The following RPL13 variants were observed in gnomAD, a reference collection of about 807,000 sequenced individuals.
RPL13 encodes the protein large ribosomal subunit protein eL13.
A neutral mutation model predicts 21.4 loss-of-function variants in RPL13; 1 was observed. The ratio of observed to expected loss-of-function variants is 0.05; its 90% CI spans 0.02 to 0.22. The LOEUF is 0.22. RPL13 is among the 10% of genes least tolerant of loss of function. The probability of loss-of-function intolerance (pLI) is 1.00; values close to 1 mark genes in which losing one functional copy is unlikely to be tolerated. For synonymous variants in RPL13, 143 were observed against 120.5 expected (o/e 1.19, Z -1.23); for missense variants, 289 against 303.0 (o/e 0.95, Z 0.34).
chr16:89,560,931 C>G lies in RPL13; in HGVS notation c.-20-9C>G, dbSNP rs1009129054. The stretch of plus-strand genomic sequence containing the variant: ...TCCGGCCTCTCACTCGCTCCCCTCT[C>G]GTCCGCAGCCGCAGGGCCGTAGGCA... On this transcript the variant is annotated splice_polypyrimidine_tract_variant and intron_variant, in intron 1 of 5. Transcript: ENST00000311528. 6 of 1,580,630 alleles carry G rather than the reference C, an allele frequency of 3.8e-6. No homozygotes were observed. The highest frequency in any genetic ancestry group is 4.3e-6 in the Non-Finnish European group (5 of 1,165,258).
Position 89,562,987 on chromosome 16 carries a change from T to C in RPL13, c.581T>C (p.Ile194Thr). The C allele has an allele frequency of 1.3e-6, 2 of 1,580,502 alleles. No individual in the cohort carries two copies. Among genetic ancestry groups the C allele is most frequent in the Non-Finnish European group, 1.7e-6 (2 of 1,163,844 alleles). ...MARANARLFG[I>T]RAKRAKEAAE... is the part of the protein sequence containing the mutation. The stretch of plus-strand genomic sequence containing the variant: ...CGTGCCAACGCCCGGCTCTTCGGCA[T>C]ACGGGCAAAAAGAGCCAAGGAAGCC... The change falls in exon 6 of 6, where the codon ATA (isoleucine) becomes ACA (threonine). Residue 194 changes from isoleucine to threonine, a missense_variant. Ile to Thr is a moderately conservative substitution (Grantham distance 89). Coordinates refer to ENST00000311528, the MANE Select transcript of RPL13 (RefSeq NM_000977.4).
intron 4 of RPL13, 34 bp from the exon 5 acceptor site, chr16:89,562,301 C>G: frequency 1.2e-6 from 2 of 1,609,390 alleles, no homozygotes; most frequent in Non-Finnish European, 1.7e-6. Flanking sequence ...AGCAGTGCGG[C>G]CAACCCCACT....
At chr16:89,561,477 C>G in intron 3 of RPL13, 101 bp from the exon 4 acceptor site, 1 of 1,612,016 alleles carries the variant, frequency 6.2e-7, no homozygotes, top group Non-Finnish European at 8.5e-7. Flanking sequence ...GATGAAAGCA[C>G]ATTTGAACCC....
chr16:89,561,106 G>A, intron 2 of RPL13, 43 bp downstream of exon 2: 4 of 1,564,810 alleles, frequency 2.6e-6, no homozygotes, highest in Non-Finnish European at 3.5e-6. Flanking sequence ...TCGTGCCCGC[G>A]GCTGCGCCTT....
In RPL13 at chr16:89,563,321, A is replaced by G. The variant is rs2058759870; in HGVS notation, c.*279A>G. The G allele has an allele frequency of 8.2e-6, 2 of 243,416 alleles. No homozygotes were observed. The highest frequency in any genetic ancestry group is 1.6e-5 in the Non-Finnish European group (2 of 127,796). 15.1% of individuals were successfully genotyped at this position (243,416 alleles called of 1,614,324 possible). On this transcript the variant is annotated 3_prime_UTR_variant, in exon 6 of 6. Coordinates refer to ENST00000311528, the MANE Select transcript of RPL13 (RefSeq NM_000977.4). ...GAGTGGACTTGTGTTTTTTCTTTTTAAAGAGGCAAGGTTGGGCTGGTGCTC... is the reference window on the plus strand; with the variant it reads ...GAGTGGACTTGTGTTTTTTCTTTTTGAAGAGGCAAGGTTGGGCTGGTGCTC...
At chr16:89,564,844 C>G (rs1282405751), downstream of RPL13, 1 of 152,992 alleles carries the variant, frequency 6.5e-6, no homozygotes, top group Non-Finnish European at 1.5e-5. Context: ...GGGGAAGGGC[C>G]TTTCCTGCTG....
At chr16:89,560,660 G>C (rs2058735315), upstream of RPL13, 1 of 316,754 alleles carries the variant, frequency 3.2e-6, no homozygotes, top group Non-Finnish European at 5.8e-6. Context: ...TATCATCCCA[G>C]AGTGCATTGC....
At chr16:89,561,931 C>T (rs1012434791) in intron 4 of RPL13, 180 bp downstream of exon 4, 7 of 709,892 alleles carry the variant, frequency 9.9e-6, no homozygotes, top group African/African-American at 9.0e-5. Context: ...CCTTAATGGA[C>T]ATGGCAAGGC....
Position 89,562,408 on chromosome 16 carries a change from T to A in RPL13, c.477+17T>A, listed in dbSNP as rs2058752025. 1 of 1,608,738 alleles carries A rather than the reference T, an allele frequency of 6.2e-7. No homozygotes were observed. The highest frequency in any genetic ancestry group is 1.7e-5 in the Admixed American group (1 of 58,358). On this transcript the variant is annotated intron_variant, in intron 5 of 5. Coordinates refer to ENST00000311528, the MANE Select transcript of RPL13 (RefSeq NM_000977.4). Reference sequence around the variant, plus strand: ...GTCCGGAACGTAAGTGAACACTTACTCAAATCCAGGCTTCAGACGAGATCA... The same window carrying A: ...GTCCGGAACGTAAGTGAACACTTACACAAATCCAGGCTTCAGACGAGATCA...
At chr16:89,566,189 C>A (rs2058788366), downstream of RPL13, 1 of 112,110 alleles carries the variant, frequency 8.9e-6, no homozygotes, top group Non-Finnish European at 2.1e-5. Flanking sequence ...GCCAGGCGCG[C>A]TCCGGCGCCT....
intron 2 of RPL13, 66 bp from the exon 3 acceptor site, chr16:89,561,161 C>T: frequency 1.3e-6 from 2 of 1,514,922 alleles, no homozygotes; most frequent in Non-Finnish European, 1.8e-6. Context: ...CTGTCTGCAA[C>T]CGTCGCGGAG....
rs754380880 is a variant in RPL13, at chr16:89,560,947, G to A, written c.-13G>A. 38 of 1,599,172 alleles carry A rather than the reference G, an allele frequency of 2.4e-5. No homozygotes were observed. The African/African-American group carries it at 4.4e-4, about 18-fold the overall frequency. On this transcript the variant is annotated 5_prime_UTR_variant, in exon 2 of 6. Coordinates refer to ENST00000311528, the MANE Select transcript of RPL13 (RefSeq NM_000977.4). ...CTCCCCTCTCGTCCGCAGCCGCAGG[G>A]CCGTAGGCAGCCATGGCGCCCAGCC...
rs2058746416 is a variant in RPL13 at position 89,561,723 on chromosome 16, C to T, written c.392C>T (p.Pro131Leu). The T allele has an allele frequency of 1.2e-6, 2 of 1,613,802 alleles. No homozygotes were observed. Among genetic ancestry groups the T allele is most frequent in the Non-Finnish European group, 1.7e-6 (2 of 1,179,996 alleles). Reference sequence around the variant, plus strand: ...AAACTCATCCTCTTCCCCAGGAAGCCCTCGGCCCCCAAGAAGGGAGACAGT... The same window carrying T: ...AAACTCATCCTCTTCCCCAGGAAGCTCTCGGCCCCCAAGAAGGGAGACAGT... ...RSKLILFPRK[P>L]SAPKKGDSSA... The change falls in exon 4 of 6, where the codon CCC becomes CTC. Residue 131 changes from proline to leucine, a missense_variant. Physicochemically the swap from Pro to Leu is moderately conservative, Grantham distance 98 (BLOSUM62 -3). Coordinates refer to ENST00000311528, the MANE Select transcript of RPL13 (RefSeq NM_000977.4).
intron 5 of RPL13, 174 bp from the exon 6 acceptor site, chr16:89,562,710 C>A (rs79338457): frequency 2.2e-6 from 1 of 451,302 alleles, no homozygotes; most frequent in Admixed American, 5.0e-5. Context: ...GAGGGTTTTT[C>A]TTTTTTTTTT....
chr16:89,565,155 AAG>A (rs2058775809), downstream of RPL13: 1 of 152,286 alleles, frequency 6.6e-6, no homozygotes, highest in South Asian at 2.1e-4. Context: ...TTAATCTATT[AAG>A]AGCCCTAACA....
chr16:89,561,555 A>ATC, intron 3 of RPL13, 23 bp from the exon 4 acceptor site: 1 of 1,613,300 alleles, frequency 6.2e-7, no homozygotes, highest in South Asian at 1.1e-5. Flanking sequence ...GCCTGTCTCC[A>ATC]TCTCTCTCTG....
At chr16:89,564,589 C>G (rs1040878415), downstream of RPL13, 3 of 152,214 alleles carry the variant, frequency 2.0e-5, no homozygotes, top group Non-Finnish European at 2.9e-5. Context: ...ACCCAGGAGG[C>G]AGAGATTGCA....
In RPL13 at chr16:89,562,979, C is replaced by T. The variant is rs16966725; in HGVS notation, c.573C>T (p.Leu191=). 6.3e-7 allele frequency: 1 copy of T among 1,584,866 alleles called. No individual in the cohort carries two copies. Among genetic ancestry groups the T allele is most frequent in the African/African-American group, 1.4e-5 (1 of 73,306 alleles). Residue 191 remains leucine, a synonymous_variant, in exon 6 of 6, where the codon CTC becomes CTT. Coordinates refer to ENST00000311528, the MANE Select transcript of RPL13 (RefSeq NM_000977.4). ...GTATGGCCCGTGCCAACGCCCGGCT[C>T]TTCGGCATACGGGCAAAAAGAGCCA... The part of the protein sequence containing the change: ...SLRMARANAR[L]FGIRAKRAKE...
rs74037225 is a variant in RPL13 at position 89,562,670 on chromosome 16, A to C, written c.478-214A>C. On this transcript the variant is annotated intron_variant, in intron 5 of 5. Transcript: ENST00000311528. ...ACATTGGTTTTGAATTGCTGGGTTTACAGGCTTGAGCCGCCATGTCCAGCT... is the reference window on the plus strand; with the variant it reads ...ACATTGGTTTTGAATTGCTGGGTTTCCAGGCTTGAGCCGCCATGTCCAGCT... The C allele has an allele frequency of 8.1e-3, 4,679 of 579,430 alleles. 203 individuals carry two copies. In the African/African-American group the frequency reaches 0.083, roughly 10 times the overall value. 35.9% of individuals were successfully genotyped at this position (579,430 alleles called of 1,614,324 possible).
Sources: gnomAD v4.1 joint callset for allele counts on GRCh38, gnomAD v4.1.1 for gene constraint, MANE v1.5 for transcripts, NCBI Gene and HGNC (gene_info 2026-07-23, HGNC 2026-07-21) for gene names.